Variants in SETBP1 observed in about 807,000 individuals in gnomAD.
SETBP1 encodes SET binding protein 1.
Under a neutral mutation model 101.0 loss-of-function variants are expected in SETBP1, and 9 were observed. That is an observed-to-expected ratio of 0.09 (90% CI 0.05 to 0.16). The LOEUF (loss-of-function observed/expected upper bound fraction) is 0.16, where lower values mean the gene tolerates loss of function less well. SETBP1 is among the 10% of genes least tolerant of loss of function. The pLI is 1.00. For synonymous variants in SETBP1, 818 were observed against 788.5 expected, an observed-to-expected ratio of 1.04 and a Z score of -0.63; for missense variants, 1,858 against 2,033.8, an observed-to-expected ratio of 0.91 and a Z score of 1.66.
At chr18:44,992,759 T>C (rs1056542881) in intron 4 of SETBP1, among the ~76,000 whole-genome samples, 3 of 152,068 alleles carry the variant, frequency 2.0e-5, no homozygotes, top group African/African-American at 7.2e-5. Flanking sequence ...CAGTTAGTTC[T>C]GCCAAGAATT....
intron 3 of SETBP1, among the ~76,000 whole-genome samples, chr18:44,911,606 C>T (rs917446530): frequency 3.3e-5 from 5 of 152,194 alleles, no homozygotes; most frequent in African/African-American, 1.2e-4. Context: ...CTCTGGGTGT[C>T]TCACCATTAG....
intron 4 of SETBP1, among the ~76,000 whole-genome samples, chr18:44,978,398 A>G (rs758352821): frequency 4.6e-5 from 7 of 152,192 alleles, no homozygotes; most frequent in Non-Finnish European, 8.8e-5. Context: ...TTTACATGAT[A>G]TCTTGTAGTG....
chr18:44,737,204 G>A (rs138226306), intron 2 of SETBP1, among the ~76,000 whole-genome samples: 21 of 152,336 alleles, frequency 1.4e-4, no homozygotes, highest in Non-Finnish European at 2.5e-4. Context: ...CAGGCCTCCT[G>A]TGAAGACTCA....
chr18:44,848,342 G>A (rs1324802227), intron 2 of SETBP1, among the ~76,000 whole-genome samples: 1 of 152,140 alleles, frequency 6.6e-6, no homozygotes, highest in Non-Finnish European at 1.5e-5. Context: ...GGGGGAGGGG[G>A]CGAAATGAGC....
At chr18:44,957,384 A>T (rs941160171) in intron 4 of SETBP1, among the ~76,000 whole-genome samples, 15 of 50,564 alleles carry the variant, frequency 3.0e-4, no homozygotes, top group African/African-American at 1.4e-3. Flanking sequence ...CAGATAATTA[A>T]AAAAAAAAAA....
chr18:44,948,795 G>A (rs771323641), intron 3 of SETBP1, among the ~76,000 whole-genome samples: 22 of 152,160 alleles, frequency 1.4e-4, no homozygotes, highest in African/African-American at 4.3e-4. Flanking sequence ...ATCTCCAAAC[G>A]ATGTGTTCAC....
In SETBP1 at chr18:44,773,548, C is replaced by T. The variant is rs141059603; in HGVS notation, c.486+71716C>T. The stretch of plus-strand genomic sequence containing the variant: ...TTATGTTTTTAACACATTTTTGCAA[C>T]GTCAATAGAAACAAACTGTCTTCTT... On this transcript the variant is annotated intron_variant, in intron 2 of 5. Transcript: ENST00000649279. Among the ~76,000 whole-genome samples, 753 of 152,230 alleles carry T rather than the reference C, an allele frequency of 4.9e-3. 2 individuals carry two copies. The highest frequency in any genetic ancestry group is 8.5e-3 in the Non-Finnish European group (578 of 68,016).
chr18:45,005,151 T>A (rs184829192), intron 4 of SETBP1, among the ~76,000 whole-genome samples: 123 of 152,168 alleles, frequency 8.1e-4, no homozygotes, highest in Non-Finnish European at 1.6e-3. Context: ...AGGAAGAAAA[T>A]ACAACCTCAT....
At chr18:44,964,071 T>G (rs2071670964) in intron 4 of SETBP1, among the ~76,000 whole-genome samples, 1 of 152,106 alleles carries the variant, frequency 6.6e-6, no homozygotes, top group African/African-American at 2.4e-5. Context: ...TCAGTTTGAA[T>G]GTCCACAAGG....
intron 4 of SETBP1, among the ~76,000 whole-genome samples, chr18:44,995,682 C>A (rs1229947704): frequency 6.6e-6 from 1 of 151,894 alleles, no homozygotes; most frequent in African/African-American, 2.4e-5. Flanking sequence ...GCTGGGAAGT[C>A]CAAAATCAAG....
intron 2 of SETBP1, among the ~76,000 whole-genome samples, chr18:44,744,795 C>G (rs1419682501): frequency 1.5e-5 from 2 of 134,512 alleles, no homozygotes; most frequent in African/African-American, 5.4e-5. Context: ...AAAAAAAAAA[C>G]GCTTTCTTCG....
intron 4 of SETBP1, among the ~76,000 whole-genome samples, chr18:45,032,964 A>C (rs1413537220): frequency 6.6e-6 from 1 of 152,160 alleles, no homozygotes; most frequent in Non-Finnish European, 1.5e-5. Context: ...AGGGCCTTTA[A>C]TTGTTTTGAC....
intron 3 of SETBP1, among the ~76,000 whole-genome samples, chr18:44,949,613 T>G (rs2145090501): frequency 6.6e-6 from 1 of 152,314 alleles, no homozygotes; most frequent in Middle Eastern, 3.4e-3. Context: ...TAAATCAAGG[T>G]AGGTCAAGAT....
At chr18:45,004,381 A>C (rs544869100) in intron 4 of SETBP1, among the ~76,000 whole-genome samples, 5 of 152,304 alleles carry the variant, frequency 3.3e-5, no homozygotes, top group African/African-American at 1.2e-4. Flanking sequence ...GGTGTGATGC[A>C]TCCTTTCACA....
intron 3 of SETBP1, among the ~76,000 whole-genome samples, chr18:44,875,527 C>CAAAAAA (rs10645515): frequency 3.8e-3 from 230 of 60,738 alleles, no homozygotes; most frequent in Non-Finnish European, 4.3e-3. Flanking sequence ...GACTCCATCT[C>CAAAAAA]AAAAAAAAAA....
intron 2 of SETBP1, among the ~76,000 whole-genome samples, chr18:44,728,084 A>G (rs548974562): frequency 2.0e-5 from 3 of 152,364 alleles, no homozygotes; most frequent in African/African-American, 7.2e-5. Context: ...GTCTTCTCTC[A>G]TTTAAGACTC....
intron 2 of SETBP1, among the ~76,000 whole-genome samples, chr18:44,757,473 G>A (rs571965579): frequency 6.6e-6 from 1 of 152,066 alleles, no homozygotes; most frequent in Admixed American, 6.5e-5. Flanking sequence ...ATGAACACAC[G>A]CATACACTTA....
At chr18:44,799,458 C>T (rs148138558) in intron 2 of SETBP1, among the ~76,000 whole-genome samples, 21 of 152,232 alleles carry the variant, frequency 1.4e-4, no homozygotes, top group African/African-American at 4.3e-4. Flanking sequence ...CATTCCTTAC[C>T]TCCTAAAACT....
intron 4 of SETBP1, among the ~76,000 whole-genome samples, chr18:45,034,534 T>TA (rs79405591): frequency 1.9e-4 from 28 of 151,052 alleles, no homozygotes; most frequent in East Asian, 1.4e-3. Flanking sequence ...GAGACTTTTT[T>TA]AAAAAAAAAA....
Sources: allele counts gnomAD v4.1 joint callset (sites outside exome capture counted in the v4.1 genomes callset), GRCh38; gene constraint gnomAD v4.1.1; transcripts MANE v1.5; gene names NCBI Gene and HGNC (gene_info 2026-07-23, HGNC 2026-07-21).